GGPS1: variants seen among roughly 807,000 people sequenced by gnomAD.
GGPS1 encodes geranylgeranyl diphosphate synthase 1.
In GGPS1, 15 loss-of-function variants were observed where a neutral mutation model predicts 28.1. The observed-to-expected ratio is 0.53, with a 90% CI of 0.36 to 0.82. The LOEUF (loss-of-function observed/expected upper bound fraction) is 0.82. Among genes scored for constraint, GGPS1 ranks in the 40% least tolerant of loss-of-function variants. The pLI, the probability that GGPS1 is intolerant of heterozygous loss-of-function variation, is 0.01. For missense variants in GGPS1, 284 were observed against 348.3 expected, an observed-to-expected ratio of 0.82 and a Z score of 1.47; for synonymous variants, 138 against 122.4, an observed-to-expected ratio of 1.13 and a Z score of -0.84.
chr1:235,340,083 A>C (rs995191533), intron 2 of GGPS1, among the ~76,000 whole-genome samples: 2 of 152,134 alleles, frequency 1.3e-5, no homozygotes, highest in Non-Finnish European at 1.5e-5. Context: ...AAGTGAGCCG[A>C]GATCACGCCG....
In GGPS1 at chr1:235,328,588, C is replaced by T. The variant is rs72758083; in HGVS notation, c.-214C>T. On this transcript the variant is annotated 5_prime_UTR_variant, in exon 1 of 4. Coordinates refer to ENST00000282841, the MANE Select transcript of GGPS1 (RefSeq NM_004837.4). Reference sequence around the variant, plus strand: ...CCTGCGCAGTGTGACCGGGATGGCGCATTTTCTTGCACCAACTAATGCGGT... The same window carrying T: ...CCTGCGCAGTGTGACCGGGATGGCGTATTTTCTTGCACCAACTAATGCGGT... The T allele has an allele frequency of 0.13, 20,283 of 152,724 alleles. 1,551 individuals are homozygous for T. Among genetic ancestry groups the T allele is most frequent in the African/African-American group, 0.2 (8,157 of 41,410 alleles). 9.5% of individuals were successfully genotyped at this position (152,724 alleles called of 1,614,324 possible).
At chr1:235,327,259 C>A (rs989485222), upstream of GGPS1, 22 of 206,364 alleles carry the variant, frequency 1.1e-4, no homozygotes, top group South Asian at 3.4e-4. Context: ...CACAACAAGC[C>A]CGGCGTCCGG....
At chr1:235,341,363 A>G (rs758721562) in intron 2 of GGPS1, among the ~76,000 whole-genome samples, 2 of 152,212 alleles carry the variant, frequency 1.3e-5, no homozygotes, top group Non-Finnish European at 2.9e-5. Context: ...CTTTTCAAAA[A>G]AAGAAATAAA....
At chr1:235,341,867 C>A in intron 3 of GGPS1, 89 bp downstream of exon 3, 1 of 921,996 alleles carries the variant, frequency 1.1e-6, no homozygotes, top group Non-Finnish European at 1.7e-6. Context: ...ATTTAGTCCT[C>A]ATGCAAGATA....
intron 2 of GGPS1, among the ~76,000 whole-genome samples, chr1:235,341,421 C>A (rs1676043670): frequency 6.6e-6 from 1 of 152,154 alleles, no homozygotes; most frequent in African/African-American, 2.4e-5. Context: ...ATTGTTTATT[C>A]AAGTTCAGAT....
At chr1:235,339,904 A>G (rs574378447) in intron 2 of GGPS1, among the ~76,000 whole-genome samples, 1 of 152,322 alleles carries the variant, frequency 6.6e-6, no homozygotes, top group African/African-American at 2.4e-5. Context: ...TGAACTGGCC[A>G]TGGTTTTTAT....
chr1:235,341,925 C>A, intron 3 of GGPS1, 86 bp from the exon 4 acceptor site: 1 of 947,966 alleles, frequency 1.1e-6, no homozygotes, highest in Non-Finnish European at 1.6e-6. Context: ...TGAAAATTAA[C>A]ACACCTGAGA....
At position 235,342,535 on chromosome 1, in the gene GGPS1, G is replaced by T; in HGVS notation, c.666G>T (p.Trp222Cys). The change falls in exon 4 of 4, where the codon TGG (tryptophan) becomes TGT (cysteine). Residue 222 changes from tryptophan (W) to cysteine (C), a missense_variant. Coordinates refer to ENST00000282841, the MANE Select transcript of GGPS1 (RefSeq NM_004837.4). ...CATTTCCTACTATTCATGCTATTTG[G>T]TCAAGGCCTGAAAGCACCCAGGTGC... ...KFSFPTIHAI[W>C]SRPESTQVQN... The T allele has an allele frequency of 6.2e-7, 1 of 1,613,560 alleles. No homozygotes were observed. Among genetic ancestry groups the T allele is most frequent in the South Asian group, 1.1e-5 (1 of 91,084 alleles).
At chr1:235,335,135 C>T (rs1048808713) in intron 1 of GGPS1, 107 bp from the exon 2 acceptor site, 1 of 577,612 alleles carries the variant, frequency 1.7e-6, no homozygotes, top group Non-Finnish European at 3.1e-6. Context: ...CTTTTTAAAC[C>T]AGACTAGGTG....
At position 235,340,602 on chromosome 1, in the gene GGPS1, A is replaced by G. The variant is rs558137106; in HGVS notation, c.71-1106A>G. Among the ~76,000 whole-genome samples, 294 of 150,262 alleles carry G rather than the reference A, an allele frequency of 2.0e-3. 1 individual carries two copies. The highest frequency in any genetic ancestry group is 2.7e-3 in the Non-Finnish European group (179 of 67,406). ...ATACAAAAAATGAGCCGGGCGTGGT[A>G]GCGGGCGCCTGTAGTCCCAGCTACT... On this transcript the variant is annotated intron_variant, in intron 2 of 3. Transcript: ENST00000282841.
chr1:235,328,998 C>G (rs900737981), intron 1 of GGPS1: 1 of 152,282 alleles, frequency 6.6e-6, no homozygotes, highest in East Asian at 1.9e-4. Context: ...AAGCAGAAAC[C>G]TCACCGTTTC....
intron 2 of GGPS1, among the ~76,000 whole-genome samples, chr1:235,340,560 C>G (rs572297756): frequency 4.8e-4 from 73 of 150,600 alleles, no homozygotes; most frequent in African/African-American, 1.7e-3. Context: ...CACGGTGAAA[C>G]CCCGTCTCTA....
intron 2 of GGPS1, among the ~76,000 whole-genome samples, chr1:235,340,448 A>C (rs1676000868): frequency 6.6e-6 from 1 of 151,426 alleles, no homozygotes; most frequent in Non-Finnish European, 1.5e-5. Context: ...TGTCTCAAAA[A>C]AAAAAGCAAG....
At chr1:235,331,153 A>G (rs1558324199) in intron 1 of GGPS1, among the ~76,000 whole-genome samples, 1 of 152,156 alleles carries the variant, frequency 6.6e-6, no homozygotes, top group Non-Finnish European at 1.5e-5. Flanking sequence ...TTGATTCTTT[A>G]TGAGCCTTTT....
Position 235,342,085 on chromosome 1 carries a change from C to G in GGPS1, c.216C>G (p.Leu72=). 1.2e-6 allele frequency: 2 copies of G among 1,612,780 alleles called. No homozygotes were observed. Among genetic ancestry groups the G allele is most frequent in the Non-Finnish European group, 1.7e-6 (2 of 1,178,866 alleles). ...ATGATATTGAAGACAACTCAAAACTCCGACGTGGCTTTCCAGTGGCCCACA... is the reference window on the plus strand; with the variant it reads ...ATGATATTGAAGACAACTCAAAACTGCGACGTGGCTTTCCAGTGGCCCACA... ...LIDDIEDNSK[L]RRGFPVAHSI... The change falls in exon 4 of 4, where the codon CTC becomes CTG. Residue 72 remains leucine, a synonymous_variant. Coordinates refer to ENST00000282841, the MANE Select transcript of GGPS1 (RefSeq NM_004837.4).
intron 1 of GGPS1, among the ~76,000 whole-genome samples, chr1:235,331,654 TCA>T (rs1675720958): frequency 1.3e-5 from 2 of 151,686 alleles, no homozygotes; most frequent in Admixed American, 1.3e-4. Flanking sequence ...TTTAGAAGAT[TCA>T]TAGCTTTCAT....
intron 1 of GGPS1, among the ~76,000 whole-genome samples, chr1:235,331,613 T>C (rs1675717877): frequency 6.6e-6 from 1 of 151,546 alleles, no homozygotes; most frequent in Non-Finnish European, 1.5e-5. Flanking sequence ...TTGCAACTTA[T>C]TAACACATAC....
intron 1 of GGPS1, among the ~76,000 whole-genome samples, chr1:235,334,317 C>T (rs1232633983): frequency 2.0e-5 from 3 of 152,016 alleles, no homozygotes; most frequent in Admixed American, 6.6e-5. Context: ...TGACATTTGC[C>T]GTCAACAAAT....
intron 2 of GGPS1, among the ~76,000 whole-genome samples, chr1:235,338,108 C>T (rs889527446): frequency 3.3e-5 from 5 of 152,078 alleles, no homozygotes; most frequent in Non-Finnish European, 7.4e-5. Context: ...CAGCCAGGCG[C>T]GGTGGCTCAC....
Sources: gnomAD v4.1 joint callset for allele counts (sites outside exome capture counted in the v4.1 genomes callset) on GRCh38, gnomAD v4.1.1 for gene constraint, MANE v1.5 for transcripts, NCBI Gene and HGNC (gene_info 2026-07-23, HGNC 2026-07-21) for gene names.